Variants in C18orf63 observed in about 807,000 individuals in gnomAD.
The protein encoded by C18orf63 is chromosome 18 open reading frame 63.
Under a neutral mutation model 75.3 loss-of-function variants are expected in C18orf63, and 50 were observed. That is an observed-to-expected ratio of 0.66 (90% CI 0.53 to 0.84). The LOEUF (loss-of-function observed/expected upper bound fraction) is 0.84, where lower values mean the gene tolerates loss of function less well. Ranked by LOEUF, C18orf63 falls within the 40% of genes least tolerant of loss-of-function variation. C18orf63 has a pLI of 0.00. For synonymous variants in C18orf63, 232 were observed against 267.6 expected, an observed-to-expected ratio of 0.87 and a Z score of 1.30; for missense variants, 732 against 800.2, an observed-to-expected ratio of 0.91 and a Z score of 1.03.
rs1399267184 is a variant in C18orf63 at position 74,329,053 on chromosome 18, A to G, written c.424+17A>G. The G allele has an allele frequency of 1.4e-6, 2 of 1,421,190 alleles. No homozygotes were observed. The highest frequency in any genetic ancestry group is 2.5e-5 in the East Asian group (1 of 40,334). The allele number at this position is 1,421,190 out of a possible 1,614,324, so 88.0% of individuals were successfully genotyped here. On this transcript the variant is annotated intron_variant, in intron 6 of 13. Transcript: ENST00000579455. Reference sequence around the variant, plus strand: ...GTGCTGTTGGTAAGTAAAAATGCATAAGTCAATAGATAAAACAATATAATT... The same window carrying G: ...GTGCTGTTGGTAAGTAAAAATGCATGAGTCAATAGATAAAACAATATAATT...
chr18:74,318,560 G>A (rs985849419), intron 2 of C18orf63, among the ~76,000 whole-genome samples: 3 of 152,136 alleles, frequency 2.0e-5, no homozygotes, highest in Non-Finnish European at 2.9e-5. Context: ...GGAGGCCAAG[G>A]TGAGCGGATC....
At chr18:74,319,435 TTTTAA>T (rs143317617) in intron 2 of C18orf63, among the ~76,000 whole-genome samples, 18,427 of 152,162 alleles carry the variant, frequency 0.12, 1,445 homozygotes, top group Admixed American at 0.18. Flanking sequence ...CTAATGGTTA[TTTTAA>T]TTTGTTTCTT....
At chr18:74,340,557 A>G (rs1984463553) in intron 8 of C18orf63, among the ~76,000 whole-genome samples, 2 of 152,148 alleles carry the variant, frequency 1.3e-5, no homozygotes, top group Admixed American at 6.5e-5. Context: ...CTGCACCCCC[A>G]TGTTCATTTC....
Position 74,343,616 on chromosome 18 carries a change from A to G in C18orf63, c.892A>G (p.Lys298Glu). ...AAGTTTTCTTTCAGATTTAAAATCT[A>G]AACTGCCCCATATATGTGGATTTCC... ...LKSFLSDLKS[K>E]LPHICGFPIK... Residue 298 changes from lysine (K) to glutamate (E), a missense_variant, in exon 11 of 14, where the codon AAA (lysine) becomes GAA (glutamate). By Grantham distance (56) the Lys-to-Glu change is moderately conservative. Around this residue, in one of 3 missense-constraint regions of C18orf63, gnomAD observed 495 missense variants for 508.7 expected, o/e 0.97. Transcript: ENST00000579455. The G allele has an allele frequency of 3.9e-6, 6 of 1,534,594 alleles. No homozygotes were observed. The highest frequency in any genetic ancestry group is 5.2e-6 in the Non-Finnish European group (6 of 1,145,650).
At chr18:74,334,238 A>G (rs1351806488) in intron 7 of C18orf63, among the ~76,000 whole-genome samples, 1 of 152,014 alleles carries the variant, frequency 6.6e-6, no homozygotes, top group African/African-American at 2.4e-5. Flanking sequence ...AAGTTACAAT[A>G]GGATCTGTGC....
At chr18:74,355,507 G>GA (rs1429980559) in intron 13 of C18orf63, among the ~76,000 whole-genome samples, 3 of 118,082 alleles carry the variant, frequency 2.5e-5, no homozygotes, top group East Asian at 2.1e-4. Context: ...TCATCCAGGA[G>GA]GGGGGGCTTA....
rs551112326 is a variant in C18orf63 at position 74,339,283 on chromosome 18, C to T, written c.611+459C>T. ...TAGGAAAAAGAACTTCAGTAGCATA[C>T]ACATAATAATTCAATCATTGAAGCT... On this transcript the variant is annotated intron_variant, in intron 8 of 13. Transcript: ENST00000579455. Among the ~76,000 whole-genome samples, 73 of 152,046 alleles carry T rather than the reference C, an allele frequency of 4.8e-4. 3 individuals carry two copies. The highest frequency in any genetic ancestry group is 1.6e-3 in the African/African-American group (68 of 41,522).
chr18:74,337,607 A>G (rs541072730), intron 7 of C18orf63, among the ~76,000 whole-genome samples: 2 of 152,232 alleles, frequency 1.3e-5, no homozygotes, highest in African/African-American at 4.8e-5. Flanking sequence ...TGTTTTTATC[A>G]CACATTTCAG....
At chr18:74,325,627 C>A (rs1026551831) in intron 4 of C18orf63, among the ~76,000 whole-genome samples, 1 of 152,182 alleles carries the variant, frequency 6.6e-6, no homozygotes. Context: ...GTATTGAAGT[C>A]TTTACCTGTA....
At chr18:74,352,215 T>A (rs1471214404) in intron 11 of C18orf63, among the ~76,000 whole-genome samples, 1 of 151,872 alleles carries the variant, frequency 6.6e-6, no homozygotes, top group African/African-American at 2.4e-5. Context: ...GAATAGAAAG[T>A]AAAATAGAGG....
At chr18:74,336,532 C>T (rs554464581) in intron 7 of C18orf63, among the ~76,000 whole-genome samples, 1 of 152,126 alleles carries the variant, frequency 6.6e-6, no homozygotes, top group African/African-American at 2.4e-5. Context: ...TATCTTCATT[C>T]ATTTATCATT....
intron 7 of C18orf63, among the ~76,000 whole-genome samples, chr18:74,338,410 T>G (rs1984426567): frequency 6.6e-6 from 1 of 152,032 alleles, no homozygotes; most frequent in Non-Finnish European, 1.5e-5. Context: ...GAGATTCAAC[T>G]TCCTGCAAAT....
chr18:74,320,461 A>T, intron 2 of C18orf63, 52 bp from the exon 3 acceptor site: 1 of 1,242,562 alleles, frequency 8.0e-7, no homozygotes, highest in Non-Finnish European at 1.1e-6. Flanking sequence ...TTGGGTGGGG[A>T]CACAGAACCA....
intron 8 of C18orf63, 110 bp from the exon 9 acceptor site, chr18:74,341,922 C>G (rs1984494934): frequency 3.3e-6 from 2 of 606,116 alleles, no homozygotes; most frequent in South Asian, 2.2e-5. Flanking sequence ...CTATATATAG[C>G]TAGTGAGATA....
At position 74,346,815 on chromosome 18, in the gene C18orf63, A is replaced by T. The variant is rs180940802; in HGVS notation, c.978+3113A>T. Among the ~76,000 whole-genome samples, 671 of 152,304 alleles carry T rather than the reference A, an allele frequency of 4.4e-3. 2 individuals are homozygous for T. The South Asian group carries it at 0.047, about 11-fold the overall frequency. ...CTTACAATAAGAATTTATCCTACTC[A>T]ATTCTATTGAGTGCTTTCTGCATGC... On this transcript the variant is annotated intron_variant, in intron 11 of 13. Coordinates refer to ENST00000579455, the MANE Select transcript of C18orf63 (RefSeq NM_001174123.2).
At chr18:74,347,918 G>T (rs1303183691) in intron 11 of C18orf63, among the ~76,000 whole-genome samples, 1 of 152,066 alleles carries the variant, frequency 6.6e-6, no homozygotes, top group African/African-American at 2.4e-5. Flanking sequence ...GGGGATTTTG[G>T]AACCAATCCC....
chr18:74,342,678 A>C lies in C18orf63; in HGVS notation c.794+352A>C, dbSNP rs185196466. ...ATACAATTGAAAGGGTTGAATTAAA[A>C]GCTTAGGTTGTAAACAAAAACAAGA... On this transcript the variant is annotated intron_variant, in intron 10 of 13. Transcript: ENST00000579455. 5.9e-5 allele frequency among the ~76,000 whole-genome samples: 9 copies of C among 152,310 alleles called. No individual in the cohort carries two copies. The East Asian group carries it at 1.7e-3, about 29-fold the overall frequency.
chr18:74,343,660 A>G lies in C18orf63; in HGVS notation c.936A>G (p.Lys312=), dbSNP rs1485166350. The change falls in exon 11 of 14, where the codon AAA becomes AAG. Residue 312 remains lysine (K), a synonymous_variant. Coordinates refer to ENST00000579455, the MANE Select transcript of C18orf63 (RefSeq NM_001174123.2). Reference sequence around the variant, plus strand: ...GATTTCCCATAAAGATGACAAGTAAACCATGCTACTACACACAAGAACTAA... The same window carrying G: ...GATTTCCCATAAAGATGACAAGTAAGCCATGCTACTACACACAAGAACTAA... ...ICGFPIKMTS[K]PCYYTQELTK... 1.3e-6 allele frequency: 2 copies of G among 1,534,038 alleles called. No individual in the cohort carries two copies. Among genetic ancestry groups the G allele is most frequent in the Non-Finnish European group, 1.7e-6 (2 of 1,145,728 alleles).
chr18:74,349,204 A>G (rs753259255), intron 11 of C18orf63, among the ~76,000 whole-genome samples: 7 of 152,142 alleles, frequency 4.6e-5, no homozygotes, highest in Non-Finnish European at 1.0e-4. Context: ...TTTTCATGAA[A>G]CGGAAAAAAA....
Sources: allele counts gnomAD v4.1 joint callset (sites outside exome capture counted in the v4.1 genomes callset), GRCh38; gene constraint gnomAD v4.1.1; regional missense constraint gnomAD v4.1.1; transcripts MANE v1.5; gene names NCBI Gene and HGNC (gene_info 2026-07-23, HGNC 2026-07-21).